The following FRMD4A variants were observed in gnomAD, a reference collection of about 807,000 sequenced individuals.
FRMD4A encodes FERM domain containing 4A.
Under a neutral mutation model 129.1 loss-of-function variants are expected in FRMD4A, and 29 were observed. That is an observed-to-expected ratio of 0.22 (90% CI 0.17 to 0.31). FRMD4A has a LOEUF of 0.31. Ranked by LOEUF, FRMD4A falls within the 10% of genes least tolerant of loss-of-function variation. The pLI is 1.00. For missense variants in FRMD4A, 1,272 were observed against 1,375.8 expected (o/e 0.92, Z 1.19); for synonymous variants, 634 against 571.6 (o/e 1.11, Z -1.56).
At chr10:13,765,101 A>ATTTTTT (rs10708906) in intron 6 of FRMD4A, among the ~76,000 whole-genome samples, 1 of 125,276 alleles carries the variant, frequency 8.0e-6, no homozygotes. Context: ...TCAAGGATTG[A>ATTTTTT]TTTTTTTTTT....
chr10:13,932,021 A>G (rs1370874144), intron 2 of FRMD4A, among the ~76,000 whole-genome samples: 1 of 152,184 alleles, frequency 6.6e-6, no homozygotes, highest in Non-Finnish European at 1.5e-5. Flanking sequence ...AATTAGAAAC[A>G]TAAAGATGAA....
intron 6 of FRMD4A, among the ~76,000 whole-genome samples, chr10:13,778,598 C>CGTGTGTGTGTGTGT (rs150073571): frequency 2.0e-5 from 3 of 147,968 alleles, no homozygotes; most frequent in African/African-American, 4.9e-5. Flanking sequence ...ACCATTCCAA[C>CGTGTGTGTGTGTGT]GTGTGTGTGT....
intron 1 of FRMD4A, 99 bp downstream of exon 1, chr10:14,330,498 C>T: frequency 2.4e-6 from 1 of 416,638 alleles, no homozygotes; most frequent in Non-Finnish European, 4.2e-6. Flanking sequence ...TAAAATAAAA[C>T]ATTCCCTATT....
At chr10:14,179,185 C>A (rs995084644) in intron 2 of FRMD4A, among the ~76,000 whole-genome samples, 1 of 151,994 alleles carries the variant, frequency 6.6e-6, no homozygotes, top group Non-Finnish European at 1.5e-5. Flanking sequence ...TATTTAGGCC[C>A]CTTAGAGTCT....
At chr10:13,829,688 C>G (rs1454167041) in intron 3 of FRMD4A, among the ~76,000 whole-genome samples, 3 of 152,170 alleles carry the variant, frequency 2.0e-5, no homozygotes, top group African/African-American at 7.2e-5. Context: ...CTGGAAACCT[C>G]TATTTGTAGA....
In FRMD4A at chr10:14,043,863, C is replaced by G. The variant is rs79180980; in HGVS notation, c.46-184951G>C. On this transcript the variant is annotated intron_variant, in intron 2 of 24. Transcript: ENST00000357447. ...TTTTCTTAAGACAAGGTCTTGCCCTCTCGCCCAGACTGCAGTGAAGTGGTG... is the reference window on the plus strand; with the variant it reads ...TTTTCTTAAGACAAGGTCTTGCCCTGTCGCCCAGACTGCAGTGAAGTGGTG... Among the ~76,000 whole-genome samples, 1,676 of 152,260 alleles carry G rather than the reference C, an allele frequency of 0.011. 62 individuals are homozygous for G. The East Asian group carries it at 0.11, about 10-fold the overall frequency.
At chr10:14,092,634 G>A (rs182274741) in intron 2 of FRMD4A, among the ~76,000 whole-genome samples, 1 of 152,240 alleles carries the variant, frequency 6.6e-6, no homozygotes, top group African/African-American at 2.4e-5. Context: ...GGAGTTTGCA[G>A]GGGTGATCCT....
intron 2 of FRMD4A, among the ~76,000 whole-genome samples, chr10:13,924,994 G>T (rs1290315267): frequency 6.7e-6 from 1 of 149,980 alleles, no homozygotes; most frequent in African/African-American, 2.5e-5. Context: ...AACCTGGGAG[G>T]CGGAGGTTGC....
At chr10:14,034,053 T>A (rs892846768) in intron 2 of FRMD4A, among the ~76,000 whole-genome samples, 16 of 152,082 alleles carry the variant, frequency 1.1e-4, no homozygotes, top group African/African-American at 4.8e-5. Context: ...TAAACACGGG[T>A]CCACTATGTT....
intron 2 of FRMD4A, among the ~76,000 whole-genome samples, chr10:13,918,702 T>C (rs1203838168): frequency 6.6e-6 from 1 of 152,008 alleles, no homozygotes; most frequent in African/African-American, 2.4e-5. Flanking sequence ...CTAATTTTTA[T>C]ATTTTTAGTA....
chr10:14,072,441 A>G (rs536891177), intron 2 of FRMD4A, among the ~76,000 whole-genome samples: 43 of 152,348 alleles, frequency 2.8e-4, no homozygotes, highest in Middle Eastern at 3.4e-3. Flanking sequence ...TATTTGGAAA[A>G]TTAAAAGTCG....
At chr10:14,018,083 A>G (rs2095704777) in intron 2 of FRMD4A, among the ~76,000 whole-genome samples, 1 of 152,142 alleles carries the variant, frequency 6.6e-6, no homozygotes, top group Admixed American at 6.5e-5. Flanking sequence ...GAATGCAGTT[A>G]ATAGACTGTT....
chr10:14,042,581 G>C (rs1833821087), intron 2 of FRMD4A, among the ~76,000 whole-genome samples: 1 of 152,102 alleles, frequency 6.6e-6, no homozygotes. Flanking sequence ...CGAAGAACAG[G>C]CATTTCAAAC....
At chr10:14,211,592 T>A (rs747582770) in intron 2 of FRMD4A, among the ~76,000 whole-genome samples, 2 of 152,176 alleles carry the variant, frequency 1.3e-5, no homozygotes, top group Non-Finnish European at 2.9e-5. Flanking sequence ...CCTGCCATGA[T>A]AAGATCTTTA....
intron 2 of FRMD4A, among the ~76,000 whole-genome samples, chr10:14,310,211 G>A (rs1352583636): frequency 6.6e-6 from 1 of 152,124 alleles, no homozygotes; most frequent in African/African-American, 2.4e-5. Flanking sequence ...GGGTTTTGTT[G>A]TTCATTTCTT....
At chr10:13,971,494 G>A (rs1361439505) in intron 2 of FRMD4A, among the ~76,000 whole-genome samples, 2 of 152,154 alleles carry the variant, frequency 1.3e-5, no homozygotes, top group Admixed American at 6.5e-5. Flanking sequence ...GGCACGCATG[G>A]CACCTAGAAG....
At position 14,228,256 on chromosome 10, in the gene FRMD4A, C is replaced by T. The variant is rs1442870736; in HGVS notation, c.45+101802G>A. ...TTATTCTTGTTGCAAAACTCACACC[C>T]AGGAATTCAAATCCAATTTATATCC... On this transcript the variant is annotated intron_variant, in intron 2 of 24. Transcript: ENST00000357447. Among the ~76,000 whole-genome samples, 3 of 152,180 alleles carry T rather than the reference C, an allele frequency of 2.0e-5. No individual in the cohort carries two copies. In the East Asian group the frequency reaches 5.8e-4, roughly 29 times the overall value.
intron 2 of FRMD4A, among the ~76,000 whole-genome samples, chr10:14,176,267 A>G (rs1248096740): frequency 6.6e-6 from 1 of 151,940 alleles, no homozygotes; most frequent in African/African-American, 2.4e-5. Context: ...TCCATCTATC[A>G]TTGCATTATT....
At chr10:13,995,286 C>T (rs1262036329) in intron 2 of FRMD4A, among the ~76,000 whole-genome samples, 7 of 152,138 alleles carry the variant, frequency 4.6e-5, no homozygotes, top group Non-Finnish European at 7.4e-5. Context: ...AAATAAAGGG[C>T]GAGTAAGATG....
Sources: gnomAD v4.1 joint callset for allele counts (sites outside exome capture counted in the v4.1 genomes callset) on GRCh38, gnomAD v4.1.1 for gene constraint, MANE v1.5 for transcripts, NCBI Gene and HGNC (gene_info 2026-07-23, HGNC 2026-07-21) for gene names.